Variants in MACROD2 observed in about 807,000 individuals in gnomAD.
MACROD2 encodes ADP-ribose glycohydrolase MACROD2.
MACROD2 carries 36 observed loss-of-function variants against 70.4 expected under a neutral mutation model. The observed-to-expected ratio is 0.51, with a 90% CI of 0.39 to 0.68. The LOEUF (loss-of-function observed/expected upper bound fraction) is 0.68. Among genes scored for constraint, MACROD2 ranks in the 30% least tolerant of loss-of-function variants. The probability of loss-of-function intolerance (pLI) is 0.00; values close to 1 mark genes in which losing one functional copy is unlikely to be tolerated. For synonymous variants in MACROD2, 172 were observed against 178.8 expected (o/e 0.96, Z 0.30); for missense variants, 496 against 538.4 (o/e 0.92, Z 0.78).
chr20:14,067,367 C>T (rs559352455), intron 2 of MACROD2, among the ~76,000 whole-genome samples: 168 of 152,160 alleles, frequency 1.1e-3, no homozygotes, highest in Non-Finnish European at 2.1e-3. Flanking sequence ...ATGATCTGCC[C>T]GCCTGGGCCT....
At chr20:15,184,806 CT>C (rs968127423) in intron 5 of MACROD2, among the ~76,000 whole-genome samples, 13 of 152,162 alleles carry the variant, frequency 8.5e-5, no homozygotes, top group African/African-American at 3.1e-4. Flanking sequence ...AGAGCACTCT[CT>C]GATAATGCTA....
intron 8 of MACROD2, among the ~76,000 whole-genome samples, chr20:15,851,891 T>C (rs2064302978): frequency 6.6e-6 from 1 of 152,168 alleles, no homozygotes; most frequent in Non-Finnish European, 1.5e-5. Context: ...TGATGTGCAT[T>C]GTCCTGAAGG....
At chr20:15,294,598 T>A (rs946781663) in intron 6 of MACROD2, among the ~76,000 whole-genome samples, 1 of 152,150 alleles carries the variant, frequency 6.6e-6, no homozygotes, top group African/African-American at 2.4e-5. Flanking sequence ...ATCCAGTGGG[T>A]CTCCAGTATT....
At chr20:14,379,885 C>T (rs1016821218) in intron 3 of MACROD2, among the ~76,000 whole-genome samples, 5 of 151,984 alleles carry the variant, frequency 3.3e-5, no homozygotes, top group African/African-American at 4.8e-5. Context: ...ATTGTTTCTA[C>T]CTTTTGGCTA....
At chr20:14,818,939 C>T (rs868757280) in intron 5 of MACROD2, among the ~76,000 whole-genome samples, 10 of 143,654 alleles carry the variant, frequency 7.0e-5, no homozygotes, top group Non-Finnish European at 9.0e-5. Context: ...TTAACAAAAC[C>T]GAAGTTCAGA....
At chr20:15,555,659 G>A (rs758340217) in intron 8 of MACROD2, among the ~76,000 whole-genome samples, 1 of 151,572 alleles carries the variant, frequency 6.6e-6, no homozygotes, top group Non-Finnish European at 1.5e-5. Flanking sequence ...AGCACAACAC[G>A]GTGAAACCCC....
intron 9 of MACROD2, among the ~76,000 whole-genome samples, chr20:15,877,587 T>C (rs2064693827): frequency 6.6e-6 from 1 of 152,194 alleles, no homozygotes. Flanking sequence ...CAGGGAGGAC[T>C]CTCCCTTATC....
chr20:14,248,569 C>T (rs962131152), intron 3 of MACROD2, among the ~76,000 whole-genome samples: 5 of 151,782 alleles, frequency 3.3e-5, no homozygotes, highest in African/African-American at 7.3e-5. Context: ...GGTGACAGAG[C>T]GAGACTCTGT....
intron 3 of MACROD2, among the ~76,000 whole-genome samples, chr20:14,140,796 GA>G (rs1450316687): frequency 1.3e-5 from 2 of 152,034 alleles, no homozygotes; most frequent in Non-Finnish European, 2.9e-5. Context: ...CTTTATTTTC[GA>G]AATGATTATC....
intron 5 of MACROD2, among the ~76,000 whole-genome samples, chr20:15,160,202 C>A (rs937774061): frequency 3.9e-5 from 6 of 151,906 alleles, no homozygotes; most frequent in Admixed American, 2.6e-4. Context: ...GAGGCTCTTA[C>A]AATTATCCAG....
intron 15 of MACROD2, among the ~76,000 whole-genome samples, chr20:16,022,706 C>T (rs1032352952): frequency 6.6e-6 from 1 of 152,200 alleles, no homozygotes; most frequent in Non-Finnish European, 1.5e-5. Context: ...GTTGTCTAAT[C>T]AGCCTCCATG....
At chr20:14,505,469 A>G (rs2084958423) in intron 4 of MACROD2, among the ~76,000 whole-genome samples, 1 of 152,244 alleles carries the variant, frequency 6.6e-6, no homozygotes, top group Non-Finnish European at 1.5e-5. Flanking sequence ...TTAAAAAATA[A>G]TACAAGATAA....
At chr20:14,600,343 T>TATATATATATATATATATATATATATAC (rs1320891260) in intron 4 of MACROD2, among the ~76,000 whole-genome samples, 66 of 130,140 alleles carry the variant, frequency 5.1e-4, no homozygotes, top group African/African-American at 2.0e-3. Flanking sequence ...TATATATATA[T>TATATATATATATATATATATATATATAC]ACACACACAC....
chr20:15,357,396 T>A (rs1211745229), intron 6 of MACROD2, among the ~76,000 whole-genome samples: 3 of 152,168 alleles, frequency 2.0e-5, no homozygotes. Context: ...TTAATAGAAA[T>A]TTCATTTAAA....
intron 12 of MACROD2, among the ~76,000 whole-genome samples, chr20:15,946,529 C>T (rs760738815): frequency 1.3e-5 from 2 of 152,064 alleles, no homozygotes; most frequent in South Asian, 4.1e-4. Flanking sequence ...CTCATAAATT[C>T]GTTTATAAAC....
chr20:16,028,964 G>A (rs117745177), intron 15 of MACROD2, among the ~76,000 whole-genome samples: 413 of 152,284 alleles, frequency 2.7e-3, no homozygotes, highest in Non-Finnish European at 2.2e-3. Context: ...AGGCTGGGGC[G>A]CTTAAACAAC....
At chr20:14,981,512 C>G (rs1267687720) in intron 5 of MACROD2, among the ~76,000 whole-genome samples, 2 of 151,250 alleles carry the variant, frequency 1.3e-5, no homozygotes, top group East Asian at 3.9e-4. Context: ...GGCCGTGTCC[C>G]CACTCAAATC....
intron 3 of MACROD2, among the ~76,000 whole-genome samples, chr20:14,343,196 G>T (rs550937680): frequency 6.6e-6 from 1 of 150,792 alleles, no homozygotes; most frequent in African/African-American, 2.4e-5. Flanking sequence ...TTGACCCCTT[G>T]CCACTCCCCA....
chr20:15,745,620 TC>T (rs1288820016), intron 8 of MACROD2, among the ~76,000 whole-genome samples: 1 of 152,160 alleles, frequency 6.6e-6, no homozygotes, highest in African/African-American at 2.4e-5. Flanking sequence ...AATTTATTAA[TC>T]TTTTTTATGT....
Sources: gnomAD v4.1 joint callset for allele counts (sites outside exome capture counted in the v4.1 genomes callset) on GRCh38, gnomAD v4.1.1 for gene constraint, MANE v1.5 for transcripts, NCBI Gene and HGNC (gene_info 2026-07-23, HGNC 2026-07-21) for gene names.